The following DRG2 variants were observed in gnomAD, a reference collection of about 807,000 sequenced individuals.
DRG2 encodes the protein developmentally-regulated GTP-binding protein 2.
In DRG2, 36 loss-of-function variants were observed where a neutral mutation model predicts 53.4. The ratio of observed to expected loss-of-function variants is 0.67; its 90% confidence interval spans 0.52 to 0.89. The LOEUF (loss-of-function observed/expected upper bound fraction) is 0.89. Ranked by LOEUF, DRG2 falls within the 40% of genes least tolerant of loss-of-function variation. The pLI is 0.00. For missense variants in DRG2, 342 were observed against 481.2 expected, an observed-to-expected ratio of 0.71 and a Z score of 2.71; for synonymous variants, 167 against 192.1, an observed-to-expected ratio of 0.87 and a Z score of 1.08.
intron 1 of DRG2, among the ~76,000 whole-genome samples, chr17:18,090,370 A>T (rs1439326328): frequency 1.3e-3 from 15 of 11,702 alleles, no homozygotes; most frequent in Admixed American, 2.9e-3. Flanking sequence ...GGGCTAATTT[A>T]TATATATATA....
At chr17:18,105,198 G>A (rs1032182030) in intron 11 of DRG2, among the ~76,000 whole-genome samples, 1 of 152,126 alleles carries the variant, frequency 6.6e-6, no homozygotes, top group Non-Finnish European at 1.5e-5. Context: ...CTGGGCTCAG[G>A]GAGCAAGAGG....
chr17:18,095,148 A>T (rs1382551095), intron 2 of DRG2, among the ~76,000 whole-genome samples: 1 of 150,780 alleles, frequency 6.6e-6, no homozygotes, highest in East Asian at 2.0e-4. Context: ...AGTAGCTGGG[A>T]TTACAGGCAT....
At chr17:18,089,468 A>G (rs1447146936) in intron 1 of DRG2, among the ~76,000 whole-genome samples, 1 of 152,198 alleles carries the variant, frequency 6.6e-6, no homozygotes, top group African/African-American at 2.4e-5. Flanking sequence ...ACTATGTGCT[A>G]GGCACTGTGG....
At chr17:18,094,171 C>T in intron 2 of DRG2, 198 bp downstream of exon 2, 1 of 642,366 alleles carries the variant, frequency 1.6e-6, no homozygotes, top group Non-Finnish European at 2.5e-6. Flanking sequence ...AGATGGAGCC[C>T]TACTTGGTCT....
At chr17:18,107,113 T>C (rs1193459428) in intron 12 of DRG2, 41 bp from the exon 13 acceptor site, 2 of 1,597,986 alleles carry the variant, frequency 1.3e-6, no homozygotes, top group Non-Finnish European at 1.7e-6. Context: ...CCTTGGCCAG[T>C]CCAGGCTGAG....
At chr17:18,094,016 G>C (rs756706286) in intron 2 of DRG2, 43 bp downstream of exon 2, 1 of 1,588,956 alleles carries the variant, frequency 6.3e-7, no homozygotes. Flanking sequence ...AAAGCAAGAA[G>C]TCATCTTTCA....
At chr17:18,090,406 A>ATATATATATTTT (rs1555532983) in intron 1 of DRG2, among the ~76,000 whole-genome samples, 1 of 22,702 alleles carries the variant, frequency 4.4e-5, no homozygotes, top group African/African-American at 2.2e-4. Flanking sequence ...ATATATATAT[A>ATATATATATTTT]TTTTTTTTTT....
intron 10 of DRG2, among the ~76,000 whole-genome samples, chr17:18,104,090 C>T (rs1333653393): frequency 6.6e-6 from 1 of 152,176 alleles, no homozygotes; most frequent in Non-Finnish European, 1.5e-5. Context: ...TTGGGGTCCC[C>T]ACTGGCTGTA....
At chr17:18,106,940 A>G (rs558758633) in intron 12 of DRG2, among the ~76,000 whole-genome samples, 13 of 152,186 alleles carry the variant, frequency 8.5e-5, no homozygotes, top group Non-Finnish European at 1.6e-4. Context: ...CTTGACCTCC[A>G]GAAGTGCTGG....
chr17:18,091,406 T>C (rs2045331285), intron 1 of DRG2, among the ~76,000 whole-genome samples: 1 of 151,564 alleles, frequency 6.6e-6, no homozygotes, highest in Non-Finnish European at 1.5e-5. Flanking sequence ...GGCGACACGG[T>C]GAAACCCCGT....
At position 18,100,395 on chromosome 17, in the gene DRG2, G is replaced by A; in HGVS notation, c.500G>A (p.Gly167Asp). ...CTGGAGAAGGAGCTGGAGTCTGTGG[G>A]CATCCGCCTCAACAAGCACAAGCCT... is the stretch of plus-strand genomic sequence containing the variant. ...SLLEKELESV[G>D]IRLNKHKPNI... The change falls in exon 6 of 13, where the codon GGC becomes GAC. Residue 167 changes from glycine (G) to aspartate (D), a missense_variant. Coordinates refer to ENST00000225729, the MANE Select transcript of DRG2 (RefSeq NM_001388.5). The surrounding 1 kb of genome is among the most constrained non-coding windows in gnomAD (Gnocchi z 4.1). The A allele has an allele frequency of 2.5e-6, 4 of 1,614,198 alleles. No individual in the cohort carries two copies. Among genetic ancestry groups the A allele is most frequent in the Non-Finnish European group, 3.4e-6 (4 of 1,180,036 alleles).
At chr17:18,093,772 A>T in intron 1 of DRG2, 41 bp from the exon 2 acceptor site, 1 of 1,595,896 alleles carries the variant, frequency 6.3e-7, no homozygotes, top group Non-Finnish European at 8.6e-7. Flanking sequence ...GGGCTTGGAC[A>T]CCCTGGCCAC....
chr17:18,104,472 T>C, intron 10 of DRG2, 151 bp from the exon 11 acceptor site: 1 of 1,458,270 alleles, frequency 6.9e-7, no homozygotes, highest in Admixed American at 2.3e-5. Flanking sequence ...CAGGGATCTA[T>C]GTGGAGGGTG....
chr17:18,101,777 TCCCAA>T (rs2045541738), intron 8 of DRG2, 139 bp from the exon 9 acceptor site: 5 of 1,164,400 alleles, frequency 4.3e-6, no homozygotes, highest in Non-Finnish European at 6.1e-6. Context: ...AGCCCAGCCT[TCCCAA>T]CCCTGAGGCA....
In DRG2 at chr17:18,089,430, G is replaced by A. The variant is rs1226268386; in HGVS notation, c.64+1343G>A. Among the ~76,000 whole-genome samples, 6 of 152,264 alleles carry A rather than the reference G, an allele frequency of 3.9e-5. No homozygotes were observed. In the South Asian group the frequency reaches 6.2e-4, roughly 16 times the overall value. On this transcript the variant is annotated intron_variant, in intron 1 of 12. Transcript: ENST00000225729. ...GCTGGGATTACAGGCATGAGCCACC[G>A]TGCCTGGCCGATCTTTCCTGAGCCT... is the stretch of plus-strand genomic sequence containing the variant.
chr17:18,103,781 G>T lies in DRG2; in HGVS notation c.807-20G>T, dbSNP rs762220095. ...AATTCACAGGGGCCCCTGCCTGACT[G>T]GCCGCCTCCCTCTTTGCAGCTGCGG... is the stretch of plus-strand genomic sequence containing the variant. On this transcript the variant is annotated intron_variant, in intron 9 of 12. Coordinates refer to ENST00000225729, the MANE Select transcript of DRG2 (RefSeq NM_001388.5). The surrounding 1 kb of genome is among the most constrained non-coding windows in gnomAD (Gnocchi z 4.4). 2 of 1,613,512 alleles carry T rather than the reference G, an allele frequency of 1.2e-6. No homozygotes were observed. The highest frequency in any genetic ancestry group is 4.5e-5 in the East Asian group (2 of 44,880).
At chr17:18,094,233 T>G (rs2974999) in intron 2 of DRG2, 169,619 of 413,404 alleles carry the variant, frequency 0.41, 38,265 homozygotes, top group South Asian at 0.72. Context: ...TCTCTAGCGG[T>G]GTCATGTGCT....
At chr17:18,088,580 T>C (rs953491837) in intron 1 of DRG2, among the ~76,000 whole-genome samples, 4 of 152,196 alleles carry the variant, frequency 2.6e-5, no homozygotes, top group African/African-American at 7.2e-5. Context: ...CTGTAAAACA[T>C]TGGAAAGTCA....
Position 18,100,771 on chromosome 17 carries a change from A to G in DRG2, c.631+112A>G. 3.9e-6 allele frequency: 4 copies of G among 1,025,806 alleles called. No individual in the cohort carries two copies. The highest frequency in any genetic ancestry group is 4.4e-6 in the Non-Finnish European group (3 of 684,654). The allele number at this position is 1,025,806 out of a possible 1,614,324, so 63.5% of individuals were successfully genotyped here. On this transcript the variant is annotated intron_variant, in intron 7 of 12. Coordinates refer to ENST00000225729, the MANE Select transcript of DRG2 (RefSeq NM_001388.5). This position sits in a 1 kb window ranked among gnomAD's most constrained non-coding sequence, Gnocchi z 4.1. The stretch of plus-strand genomic sequence containing the variant: ...AGCAGGGTGGCAGCAGGTCACCCCC[A>G]CTGCCCCTGCTGTCCATTCAAGTAG...
Sources: allele counts gnomAD v4.1 joint callset (sites outside exome capture counted in the v4.1 genomes callset), GRCh38; gene constraint gnomAD v4.1.1; non-coding constraint Gnocchi (gnomAD v3.1); transcripts MANE v1.5; gene names NCBI Gene and HGNC (gene_info 2026-07-23, HGNC 2026-07-21).